The following ATP2B2 variants were observed in gnomAD, a reference collection of about 807,000 sequenced individuals.
ATP2B2 encodes the protein plasma membrane calcium-transporting ATPase 2.
In ATP2B2, 15 loss-of-function variants were observed where a neutral mutation model predicts 120.0. The observed-to-expected ratio is 0.12, with a 90% CI of 0.08 to 0.19. The LOEUF (loss-of-function observed/expected upper bound fraction) is 0.19, where lower values mean the gene tolerates loss of function less well. ATP2B2 is among the 10% of genes least tolerant of loss of function. The probability of loss-of-function intolerance (pLI) is 1.00; values close to 1 mark genes in which losing one functional copy is unlikely to be tolerated. For missense variants in ATP2B2, 1,045 were observed against 1,719.8 expected (o/e 0.61, Z 6.94); for synonymous variants, 694 against 700.3 (o/e 0.99, Z 0.14).
intron 2 of ATP2B2, among the ~76,000 whole-genome samples, chr3:10,595,492 T>A (rs1218543617): frequency 1.3e-5 from 2 of 152,180 alleles, no homozygotes; most frequent in Non-Finnish European, 1.5e-5. Context: ...AACAGCCCTG[T>A]AAATAAACTA....
At chr3:10,570,084 G>C (rs1351513127) in intron 2 of ATP2B2, 9 of 152,230 alleles carry the variant, frequency 5.9e-5, no homozygotes, top group Non-Finnish European at 1.2e-4. Context: ...CCCTTCCTCT[G>C]TTTGGGGAGC....
In ATP2B2 at chr3:10,410,529, G is replaced by A. The variant is rs2062572673; in HGVS notation, c.397+89C>T. On this transcript the variant is annotated intron_variant, in intron 3 of 22. Transcript: ENST00000360273. The stretch of plus-strand genomic sequence containing the variant: ...CTCGGTTTCTTCCCCTGGGAGGAGA[G>A]GATTATTTGTGTGAGCCGTGAGTGC... The A allele has an allele frequency of 9.7e-6, 14 of 1,442,876 alleles. No individual in the cohort carries two copies. In the Admixed American group the frequency reaches 3.0e-4, roughly 31 times the overall value. 89.4% of individuals were successfully genotyped at this position (1,442,876 alleles called of 1,614,324 possible).
intron 3 of ATP2B2, among the ~76,000 whole-genome samples, chr3:10,512,464 G>GCGCACGCACA: frequency 7.3e-6 from 1 of 137,026 alleles, no homozygotes; most frequent in African/African-American, 2.9e-5. Flanking sequence ...AAGTGTGTGC[G>GCGCACGCACA]CACACACACA....
At chr3:10,488,176 CCCACCCATCTATCCAT>C (rs1405513440) in intron 1 of ATP2B2, among the ~76,000 whole-genome samples, 9 of 141,122 alleles carry the variant, frequency 6.4e-5, no homozygotes, top group Non-Finnish European at 1.2e-4. Flanking sequence ...CATCCATCTA[CCCACCCATCTATCCAT>C]CCACCCATCT....
intron 1 of ATP2B2, among the ~76,000 whole-genome samples, chr3:10,639,257 G>A (rs1242106752): frequency 6.6e-6 from 1 of 152,170 alleles, no homozygotes; most frequent in Non-Finnish European, 1.5e-5. Context: ...GCTCCAATGA[G>A]GGACTTTAAT....
intron 1 of ATP2B2, among the ~76,000 whole-genome samples, chr3:10,495,093 G>A (rs984737957): frequency 9.2e-5 from 14 of 152,330 alleles, no homozygotes; most frequent in Admixed American, 3.9e-4. Flanking sequence ...CCAAGGACAT[G>A]GTCAATTCCT....
chr3:10,565,868 C>T (rs537722680), intron 2 of ATP2B2, among the ~76,000 whole-genome samples: 5 of 152,270 alleles, frequency 3.3e-5, no homozygotes, highest in South Asian at 2.1e-4. Context: ...CTTGGGCAAG[C>T]GAATAAAACT....
chr3:10,464,674 C>T (rs2064659210), intron 1 of ATP2B2, among the ~76,000 whole-genome samples: 1 of 152,224 alleles, frequency 6.6e-6, no homozygotes, highest in Non-Finnish European at 1.5e-5. Flanking sequence ...TTAAGTCGTT[C>T]TCTGGCCTTA....
intron 1 of ATP2B2, among the ~76,000 whole-genome samples, chr3:10,487,201 C>T (rs1028034643): frequency 6.6e-6 from 1 of 152,082 alleles, no homozygotes; most frequent in Admixed American, 6.5e-5. Context: ...CTTTCCTTTA[C>T]ACATTCCTAG....
At chr3:10,494,989 A>AAC (rs2066085512) in intron 1 of ATP2B2, among the ~76,000 whole-genome samples, 1 of 152,236 alleles carries the variant, frequency 6.6e-6, no homozygotes, top group Non-Finnish European at 1.5e-5. Flanking sequence ...CAGGTGCTTA[A>AAC]GACATGTAAA....
At chr3:10,691,900 G>A (rs1007466298) in intron 1 of ATP2B2, among the ~76,000 whole-genome samples, 2 of 152,158 alleles carry the variant, frequency 1.3e-5, no homozygotes, top group African/African-American at 2.4e-5. Flanking sequence ...CAGGTGCTAG[G>A]AGCTTTCCCA....
In ATP2B2 at chr3:10,400,332, C is replaced by T. The variant is rs182998975; in HGVS notation, c.781+621G>A. Among the ~76,000 whole-genome samples, 314 of 152,378 alleles carry T rather than the reference C, an allele frequency of 2.1e-3. 2 individuals carry two copies. The highest frequency in any genetic ancestry group is 7.1e-3 in the African/African-American group (294 of 41,602). On this transcript the variant is annotated intron_variant, in intron 5 of 22. Coordinates refer to ENST00000360273, the MANE Select transcript of ATP2B2 (RefSeq NM_001001331.4). ...ACTCTCTCTATTTCACTGCAGCCTC[C>T]AGCCAGTCCTGCTTCTGGGCTTTTG...
intron 21 of ATP2B2, among the ~76,000 whole-genome samples, chr3:10,339,540 T>C (rs2060217679): frequency 1.3e-5 from 2 of 151,972 alleles, no homozygotes; most frequent in Middle Eastern, 3.2e-3. Flanking sequence ...TGTGACAGGG[T>C]CTGGAACTTG....
At chr3:10,580,558 G>A (rs145748904) in intron 2 of ATP2B2, among the ~76,000 whole-genome samples, 34 of 152,286 alleles carry the variant, frequency 2.2e-4, no homozygotes, top group African/African-American at 8.2e-4. Context: ...AATGCTCAGT[G>A]CGGCTCCTCC....
intron 2 of ATP2B2, among the ~76,000 whole-genome samples, chr3:10,442,345 C>T (rs989904036): frequency 7.9e-5 from 12 of 152,146 alleles, no homozygotes; most frequent in South Asian, 2.1e-4. Context: ...CTGGAATCAC[C>T]GGGAAGCCCT....
chr3:10,352,888 G>A (rs74948076), intron 14 of ATP2B2, among the ~76,000 whole-genome samples: 196 of 152,334 alleles, frequency 1.3e-3, no homozygotes, highest in Non-Finnish European at 1.8e-3. Context: ...AGGAATTTAG[G>A]TTCTTGGTTT....
chr3:10,421,841 C>A (rs2062990994), intron 2 of ATP2B2, among the ~76,000 whole-genome samples: 1 of 152,224 alleles, frequency 6.6e-6, no homozygotes, highest in South Asian at 2.1e-4. Context: ...GATGCCCAAC[C>A]CTCTGTCGAC....
chr3:10,400,184 A>G (rs2062171864), intron 5 of ATP2B2, among the ~76,000 whole-genome samples: 1 of 152,146 alleles, frequency 6.6e-6, no homozygotes, highest in Admixed American at 6.5e-5. Context: ...TAGCTGAGTG[A>G]GCTTGTAAAA....
chr3:10,365,536 G>A (rs968331388), intron 12 of ATP2B2, among the ~76,000 whole-genome samples: 4 of 152,106 alleles, frequency 2.6e-5, no homozygotes, highest in East Asian at 1.9e-4. Context: ...ATGCAGAGGC[G>A]CTGCACTCCG....
Sources: gnomAD v4.1 joint callset for allele counts (sites outside exome capture counted in the v4.1 genomes callset) on GRCh38, gnomAD v4.1.1 for gene constraint, MANE v1.5 for transcripts, NCBI Gene and HGNC (gene_info 2026-07-23, HGNC 2026-07-21) for gene names.